Variants in TRIML1 observed in about 807,000 individuals in gnomAD.
TRIML1 encodes the protein tripartite motif family like 1, also known as probable E3 ubiquitin-protein ligase TRIML1.
In TRIML1, 34 loss-of-function variants were observed where a neutral mutation model predicts 32.3. The observed-to-expected ratio is 1.05, with a 90% CI of 0.80 to 1.40. The LOEUF (loss-of-function observed/expected upper bound fraction) is 1.40. TRIML1 is among the 40% of genes most tolerant of loss of function. TRIML1 has a pLI of 0.00. For missense variants in TRIML1, 595 were observed against 574.9 expected (o/e 1.03, Z -0.36); for synonymous variants, 244 against 226.6 (o/e 1.08, Z -0.69).
Position 188,144,019 on chromosome 4 carries a change from T to C in TRIML1, c.759-17T>C. 1 of 1,613,268 alleles carries C rather than the reference T, an allele frequency of 6.2e-7. No homozygotes were observed. The highest frequency in any genetic ancestry group is 8.5e-7 in the Non-Finnish European group (1 of 1,179,524). The stretch of plus-strand genomic sequence containing the variant: ...CGCGGTCTGTGCCGAGGAGTGAACC[T>C]CTCTGCTCTCTTGCAGGAGCGAGCC... On this transcript the variant is annotated splice_polypyrimidine_tract_variant and intron_variant, in intron 4 of 5. Transcript: ENST00000332517.
At chr4:188,139,175 AC>A (rs1377309678), upstream of TRIML1, among the ~76,000 whole-genome samples, 1 of 152,230 alleles carries the variant, frequency 6.6e-6, no homozygotes, top group Non-Finnish European at 1.5e-5. Flanking sequence ...ACACCAAATC[AC>A]CCAAGCTTCC....
chr4:188,147,351 C>T lies in TRIML1; in HGVS notation c.1386C>T (p.Cys462=), dbSNP rs376390281. ...CAAACACAGACCCTCTCACCATCTG[C>T]TCACTGAACAGCCACGTCTGAGGGG... is the stretch of plus-strand genomic sequence containing the variant. ...EGTNTDPLTI[C]SLNSHV is the part of the protein sequence containing the mutation. The change falls in exon 6 of 6, where the codon TGC becomes TGT. Residue 462 remains cysteine, a synonymous_variant. Coordinates refer to ENST00000332517, the MANE Select transcript of TRIML1 (RefSeq NM_178556.5). 1 of 1,507,418 alleles carries T rather than the reference C, an allele frequency of 6.6e-7. No individual in the cohort carries two copies. Among genetic ancestry groups the T allele is most frequent in the Non-Finnish European group, 8.9e-7 (1 of 1,129,622 alleles). The allele number at this position is 1,507,418 out of a possible 1,614,324, so 93.4% of individuals were successfully genotyped here. A position where few individuals can be genotyped will look rare whatever the true frequency, so the allele number is the denominator to read the frequency against.
At chr4:188,139,295 T>C (rs1279603175), upstream of TRIML1, 9 of 358,850 alleles carry the variant, frequency 2.5e-5, no homozygotes, top group East Asian at 2.3e-4. Flanking sequence ...CTCTAGCATG[T>C]GTGCTTTTCA....
intron 3 of TRIML1, chr4:188,143,503 C>G (rs1734941454): frequency 2.8e-6 from 1 of 358,294 alleles, no homozygotes; most frequent in Admixed American, 4.1e-5. Context: ...TCAGTTCTCA[C>G]CAGCCCATTT....
chr4:188,140,365 G>A (rs186249032), intron 1 of TRIML1, among the ~76,000 whole-genome samples, 163 bp from the exon 2 acceptor site: 266 of 152,132 alleles, frequency 1.7e-3, no homozygotes, highest in African/African-American at 6.1e-3. Context: ...CAGGTGATCC[G>A]CCTGCCTCGG....
chr4:188,145,329 C>T (rs1050643811), intron 5 of TRIML1, among the ~76,000 whole-genome samples: 7 of 151,340 alleles, frequency 4.6e-5, no homozygotes, highest in Admixed American at 3.9e-4. Flanking sequence ...GTAATCCCAG[C>T]TACTCGGGAG....
chr4:188,150,550 T>G (rs1397552431), downstream of TRIML1, among the ~76,000 whole-genome samples: 4 of 152,112 alleles, frequency 2.6e-5, no homozygotes, highest in African/African-American at 9.6e-5. Context: ...AAAATCCCAG[T>G]TTTGTGGAGG....
chr4:188,138,123 T>G (rs1005425794), upstream of TRIML1, among the ~76,000 whole-genome samples: 1 of 152,050 alleles, frequency 6.6e-6, no homozygotes, highest in African/African-American at 2.4e-5. Flanking sequence ...CACGTATGCT[T>G]TACAAGGGAT....
chr4:188,140,228 C>T (rs1412351950), intron 1 of TRIML1, among the ~76,000 whole-genome samples: 1 of 151,890 alleles, frequency 6.6e-6, no homozygotes, highest in East Asian at 1.9e-4. Flanking sequence ...TCACGCCATT[C>T]TCCTGCCTCA....
chr4:188,150,765 G>A (rs1261114069), downstream of TRIML1, among the ~76,000 whole-genome samples: 1 of 151,340 alleles, frequency 6.6e-6, no homozygotes, highest in Non-Finnish European at 1.5e-5. Context: ...TGCCACTGAT[G>A]AGGTGTGTGG....
In TRIML1 at chr4:188,147,361, A is replaced by G; in HGVS notation, c.1396A>G (p.Ser466Gly). 6.7e-7 allele frequency: 1 copy of G among 1,501,652 alleles called. No individual in the cohort carries two copies. Among genetic ancestry groups the G allele is most frequent in the Non-Finnish European group, 8.9e-7 (1 of 1,127,182 alleles). 93.0% of individuals were successfully genotyped at this position (1,501,652 alleles called of 1,614,324 possible). The change falls in exon 6 of 6, where the codon AGC becomes GGC. Residue 466 changes from serine (S) to glycine (G), a missense_variant. Physicochemically the swap from Ser to Gly is moderately conservative, Grantham distance 56. Transcript: ENST00000332517. ...TDPLTICSLNSHV is the reference protein window; with the variant it reads ...TDPLTICSLNGHV ...CCCTCTCACCATCTGCTCACTGAAC[A>G]GCCACGTCTGAGGGGCGTGCCCTGA...
rs755601791 is a variant in TRIML1 at position 188,140,595 on chromosome 4, A to G, written c.476A>G (p.His159Arg). The G allele has an allele frequency of 3.7e-6, 6 of 1,613,802 alleles. No individual in the cohort carries two copies. Among genetic ancestry groups the G allele is most frequent in the Admixed American group, 1.7e-5 (1 of 59,982 alleles). The change falls in exon 2 of 6, where the codon CAT becomes CGT. Residue 159 changes from histidine (H) to arginine (R), a missense_variant. Coordinates refer to ENST00000332517, the MANE Select transcript of TRIML1 (RefSeq NM_178556.5). ...AAGGAAGCTCAGGCTGTACTAACCC[A>G]TGAGAAGGAGAGAGTGAAACTGTGC... ...RRKEAQAVLTHEKERVKLCQE... is the reference protein window; with the variant it reads ...RRKEAQAVLTREKERVKLCQE...
Position 188,146,659 on chromosome 4 carries a change from C to T in TRIML1, c.857-163C>T, listed in dbSNP as rs117550205. Among the ~76,000 whole-genome samples the T allele has an allele frequency of 7.0e-4, 107 of 152,266 alleles. 4 individuals are homozygous for T. The East Asian group carries it at 0.017, about 25-fold the overall frequency. On this transcript the variant is annotated intron_variant, in intron 5 of 5. Transcript: ENST00000332517. ...TCCTGACCTTGTGATCTGCCTGCCT[C>T]ACCCTCCCAAAGTGCTGCATTACAG...
downstream of TRIML1, among the ~76,000 whole-genome samples, chr4:188,150,272 G>A (rs113536152): frequency 0.23 from 34,865 of 151,334 alleles, 4,385 homozygotes; most frequent in Middle Eastern, 0.38. Context: ...ATCCCCATAG[G>A]CATGCACCAC....
chr4:188,148,629 A>T (rs1315430793), downstream of TRIML1, among the ~76,000 whole-genome samples: 2 of 151,358 alleles, frequency 1.3e-5, no homozygotes, highest in Admixed American at 6.6e-5. Context: ...TTAAGATGCA[A>T]TCTCGCTCTG....
intron 3 of TRIML1, 134 bp from the exon 4 acceptor site, chr4:188,143,704 C>T (rs1366240102): frequency 1.9e-6 from 2 of 1,057,866 alleles, no homozygotes. Flanking sequence ...TTTCTCTGCT[C>T]TCTGTGCTCC....
At chr4:188,140,701 G>GAAA (rs11316189) in intron 2 of TRIML1, 78 bp downstream of exon 2, 199 of 936,132 alleles carry the variant, frequency 2.1e-4, no homozygotes, top group Non-Finnish European at 2.9e-4. Context: ...GAAATATCAG[G>GAAA]AAAAAAAAAA....
chr4:188,143,823 CTTTT>C lies in TRIML1; in HGVS notation c.736-12_736-9del. 6.2e-7 allele frequency: 1 copy of C among 1,614,026 alleles called. No homozygotes were observed. The highest frequency in any genetic ancestry group is 8.5e-7 in the Non-Finnish European group (1 of 1,179,960). On this transcript the variant is annotated splice_polypyrimidine_tract_variant and intron_variant, in intron 3 of 5. Coordinates refer to ENST00000332517, the MANE Select transcript of TRIML1 (RefSeq NM_178556.5). ...CAAAGCGCACCATGCTAACTTCTTT[CTTTT>C]TTACCCGTAGGAAGTGAGAGGAGCC...
intron 1 of TRIML1, 30 bp downstream of exon 1, chr4:188,139,996 G>A (rs762216429): frequency 6.4e-6 from 10 of 1,556,522 alleles, no homozygotes; most frequent in Non-Finnish European, 8.7e-6. Flanking sequence ...TGAACCCCAC[G>A]ACTCATCGCA....
Sources: gnomAD v4.1 joint callset for allele counts (sites outside exome capture counted in the v4.1 genomes callset) on GRCh38, gnomAD v4.1.1 for gene constraint, MANE v1.5 for transcripts, NCBI Gene and HGNC (gene_info 2026-07-23, HGNC 2026-07-21) for gene names.